The following SASH1 variants were observed in gnomAD, a reference collection of about 807,000 sequenced individuals.
SASH1 encodes SAM and SH3 domain-containing protein 1.
A neutral mutation model predicts 125.2 loss-of-function variants in SASH1; 44 were observed. The observed-to-expected ratio is 0.35, with a 90% confidence interval of 0.28 to 0.45. SASH1 has a LOEUF of 0.45. Ranked by LOEUF, SASH1 falls within the 20% of genes least tolerant of loss-of-function variation. SASH1 has a pLI of 1.00. For synonymous variants in SASH1, 639 were observed against 649.1 expected, an observed-to-expected ratio of 0.98 and a Z score of 0.24; for missense variants, 1,426 against 1,614.5, an observed-to-expected ratio of 0.88 and a Z score of 2.00.
chr6:148,400,976 G>A (rs1784147359), intron 2 of SASH1, among the ~76,000 whole-genome samples: 1 of 152,066 alleles, frequency 6.6e-6, no homozygotes. Context: ...CAGGTGTGGT[G>A]GCTCATGACT....
At chr6:148,271,460 A>G (rs1318994408), upstream of SASH1, among the ~76,000 whole-genome samples, 5 of 152,232 alleles carry the variant, frequency 3.3e-5, no homozygotes, top group Non-Finnish European at 7.3e-5. Flanking sequence ...TGTTACCAAC[A>G]CCTAAACTTA....
chr6:148,315,067 T>C (rs926719863), intron 1 of SASH1, among the ~76,000 whole-genome samples: 5 of 152,130 alleles, frequency 3.3e-5, no homozygotes, highest in Admixed American at 2.6e-4. Flanking sequence ...CCCGTATAAA[T>C]GATTTTTAAA....
intron 1 of SASH1, among the ~76,000 whole-genome samples, chr6:148,387,557 C>CT (rs1783436204): frequency 8.1e-6 from 1 of 124,094 alleles, no homozygotes; most frequent in Non-Finnish European, 1.7e-5. Context: ...CTTTTCCTTT[C>CT]TTTCTTTTCT....
At chr6:148,255,170 A>T in the SASH1 span, among the ~76,000 whole-genome samples, 1 of 152,176 alleles carries the variant, frequency 6.6e-6, no homozygotes, top group Non-Finnish European at 1.5e-5. Flanking sequence ...AAAATACCAC[A>T]GTCTGGGTGG....
intron 6 of SASH1, among the ~76,000 whole-genome samples, chr6:148,473,701 A>G (rs1778217190): frequency 6.6e-6 from 1 of 152,162 alleles, no homozygotes; most frequent in African/African-American, 2.4e-5. Flanking sequence ...TTGTATTGCT[A>G]ATGGAAGGAC....
chr6:148,519,919 A>G lies in SASH1; in HGVS notation c.1209+26A>G, dbSNP rs1295995073. ...GTAAGTACGGATGGTGTTTGCTTCT[A>G]TGACAACCACCGTCGCAGGCACCAC... is the stretch of plus-strand genomic sequence containing the variant. On this transcript the variant is annotated intron_variant, in intron 10 of 19. Transcript: ENST00000367467. This position sits in a 1 kb window ranked among gnomAD's most constrained non-coding sequence, Gnocchi z 4.8. 12 of 1,486,690 alleles carry G rather than the reference A, an allele frequency of 8.1e-6. No homozygotes were observed. In the East Asian group the frequency reaches 9.9e-5, roughly 12 times the overall value. 92.1% of individuals were successfully genotyped at this position (1,486,690 alleles called of 1,614,324 possible). A position where few individuals can be genotyped will look rare whatever the true frequency, so the allele number is the denominator to read the frequency against.
chr6:148,210,302 C>T, the SASH1 span, among the ~76,000 whole-genome samples: 4 of 152,102 alleles, frequency 2.6e-5, no homozygotes, highest in Non-Finnish European at 4.4e-5. Flanking sequence ...CCAAGGTAGG[C>T]GGATTACCTG....
intron 1 of SASH1, among the ~76,000 whole-genome samples, chr6:148,381,970 C>T (rs909632342): frequency 6.6e-6 from 1 of 152,082 alleles, no homozygotes; most frequent in Non-Finnish European, 1.5e-5. Flanking sequence ...TATGTGATAT[C>T]CTTTAAACAA....
intron 4 of SASH1, among the ~76,000 whole-genome samples, chr6:148,446,425 G>GA (rs1481837613): frequency 6.6e-6 from 1 of 152,100 alleles, no homozygotes; most frequent in Non-Finnish European, 1.5e-5. Flanking sequence ...TTTTCTTAAG[G>GA]AAAGAGGGTG....
chr6:148,289,903 T>C (rs1197737350), intron 1 of SASH1, among the ~76,000 whole-genome samples: 2 of 144,090 alleles, frequency 1.4e-5, no homozygotes, highest in African/African-American at 5.2e-5. Context: ...AGTCTCACTC[T>C]GTAGCCCAGG....
chr6:148,302,341 A>AAAAAAAAAAAAAAAAAAAAAAAAAAAT lies in SASH1; in HGVS notation n.74+29964_74+29965insAAAAAAAAAAAAAAAAAAAAAAAAAAT, dbSNP rs34513109. The stretch of plus-strand genomic sequence containing the variant: ...AAAAAAAAAAAAAAAAAAAAAAAAA[A>AAAAAAAAAAAAAAAAAAAAAAAAAAAT]CTAGTAATATTATGACCTTGGTTAA... On this transcript the variant is annotated intron_variant and non_coding_transcript_variant, in intron 1 of 3. Coordinates refer to the SASH1 transcript ENST00000367469. Among the ~76,000 whole-genome samples, 8 of 104,442 alleles carry AAAAAAAAAAAAAAAAAAAAAAAAAAAT rather than the reference A, an allele frequency of 7.7e-5. 2 individuals carry two copies. Among genetic ancestry groups the AAAAAAAAAAAAAAAAAAAAAAAAAAAT allele is most frequent in the East Asian group, 3.9e-4 (1 of 2,566 alleles). 68.5% of individuals were successfully genotyped at this position (104,442 alleles called of 152,430 possible).
At chr6:148,250,196 A>G in the SASH1 span, among the ~76,000 whole-genome samples, 2 of 152,308 alleles carry the variant, frequency 1.3e-5, no homozygotes, top group East Asian at 1.9e-4. Context: ...ACACCTGGGC[A>G]TATCAGAATC....
At chr6:148,361,013 G>T (rs1782180935) in intron 1 of SASH1, among the ~76,000 whole-genome samples, 1 of 152,176 alleles carries the variant, frequency 6.6e-6, no homozygotes, top group Admixed American at 6.5e-5. Context: ...AGACACAGAT[G>T]TGCACGGGGG....
chr6:148,365,584 A>T lies in SASH1; in HGVS notation c.156+22361A>T, dbSNP rs79985034. Among the ~76,000 whole-genome samples, 165 of 152,204 alleles carry T rather than the reference A, an allele frequency of 1.1e-3. 1 individual carries two copies. The East Asian group carries it at 0.011, about 11-fold the overall frequency. ...GAATTCAAATGATGCATCCTCCATG[A>T]TCGATCCTTAAGCACCTTTGATGTC... On this transcript the variant is annotated intron_variant, in intron 1 of 19. Transcript: ENST00000367467.
chr6:148,368,611 A>G (rs1382342602), intron 1 of SASH1, among the ~76,000 whole-genome samples: 1 of 152,118 alleles, frequency 6.6e-6, no homozygotes, highest in East Asian at 1.9e-4. Flanking sequence ...TGGACATGGA[A>G]CCTTCCTGCT....
At chr6:148,447,561 G>A (rs1034147792) in intron 4 of SASH1, among the ~76,000 whole-genome samples, 1 of 152,008 alleles carries the variant, frequency 6.6e-6, no homozygotes, top group African/African-American at 2.4e-5. Context: ...CCCTGCTTTG[G>A]ATCATCTGCT....
chr6:148,386,767 G>A (rs1783385704), intron 1 of SASH1, among the ~76,000 whole-genome samples: 1 of 152,150 alleles, frequency 6.6e-6, no homozygotes, highest in Non-Finnish European at 1.5e-5. Context: ...CATAAAAATG[G>A]GCTTTCAGGT....
At chr6:148,212,273 G>A in the SASH1 span, among the ~76,000 whole-genome samples, 1 of 152,192 alleles carries the variant, frequency 6.6e-6, no homozygotes, top group African/African-American at 2.4e-5. Flanking sequence ...TGAGCATGAA[G>A]GTAGGAGAAA....
At position 148,343,106 on chromosome 6, in the gene SASH1, T is replaced by TGAGCCCGAGCCCGAGCCG. The variant is rs781320600; in HGVS notation, c.53_70dup (p.Glu18_Pro23dup). ...GAGCAGCTGGCCCGGGGCCGGAGCC[T>TGAGCCCGAGCCCGAGCCG]GAGCCCGAGCCCGAGCCGGAGCCCG... On this transcript the variant is annotated inframe_insertion, in exon 1 of 20. Coordinates refer to ENST00000367467, the MANE Select transcript of SASH1 (RefSeq NM_015278.5). The TGAGCCCGAGCCCGAGCCG allele has an allele frequency of 2.2e-5, 35 of 1,573,520 alleles. No individual in the cohort carries two copies. The highest frequency in any genetic ancestry group is 5.7e-5 in the South Asian group (5 of 88,380).
Sources: allele counts gnomAD v4.1 joint callset (sites outside exome capture counted in the v4.1 genomes callset), GRCh38; gene constraint gnomAD v4.1.1; non-coding constraint Gnocchi (gnomAD v3.1); transcripts MANE v1.5; gene names NCBI Gene and HGNC (gene_info 2026-07-23, HGNC 2026-07-21).